Variants in COL19A1 observed in about 807,000 individuals in gnomAD.
COL19A1 encodes the protein collagen alpha-1(XIX) chain.
In COL19A1, 159 loss-of-function variants were observed where a neutral mutation model predicts 190.2. The observed-to-expected ratio is 0.84, with a 90% CI of 0.73 to 0.95. The LOEUF is 0.95. Among genes scored for constraint, COL19A1 ranks in the 40% least tolerant of loss-of-function variants. The probability of loss-of-function intolerance (pLI) is 0.00; values close to 1 mark genes in which losing one functional copy is unlikely to be tolerated. For missense variants in COL19A1, 1,418 were observed against 1,431.9 expected (o/e 0.99, Z 0.16); for synonymous variants, 509 against 458.9 (o/e 1.11, Z -1.39).
At chr6:70,056,104 G>A (rs1780492346) in intron 14 of COL19A1, among the ~76,000 whole-genome samples, 1 of 151,918 alleles carries the variant, frequency 6.6e-6, no homozygotes, top group South Asian at 2.1e-4. Context: ...ACTGCCGCTT[G>A]TTTTCCTTGT....
intron 15 of COL19A1, among the ~76,000 whole-genome samples, chr6:70,074,192 T>TA (rs965406216): frequency 2.0e-5 from 3 of 151,620 alleles, no homozygotes; most frequent in African/African-American, 7.3e-5. Context: ...CACAGTAAAG[T>TA]AAAAAAATAA....
chr6:70,176,522 A>T lies in COL19A1; in HGVS notation c.2625A>T (p.Gly875=). Reference sequence around the variant, plus strand: ...GCAATGTTTTTAAATCCCAACAGGGAGATCGAGGCCCAGCAGGTCCCCCAG... The same window carrying T: ...GCAATGTTTTTAAATCCCAACAGGGTGATCGAGGCCCAGCAGGTCCCCCAG... ...PGLEGFPGVK[G]DRGPAGPPGI... The change falls in exon 42 of 51, where the codon GGA becomes GGT. Residue 875 remains glycine, a splice_region_variant and synonymous_variant. Coordinates refer to ENST00000620364, the MANE Select transcript of COL19A1 (RefSeq NM_001858.6). The T allele has an allele frequency of 6.2e-7, 1 of 1,613,604 alleles. No individual in the cohort carries two copies. Among genetic ancestry groups the T allele is most frequent in the East Asian group, 2.2e-5 (1 of 44,856 alleles).
At chr6:70,132,245 A>T (rs907499513) in intron 18 of COL19A1, among the ~76,000 whole-genome samples, 17 of 152,074 alleles carry the variant, frequency 1.1e-4, no homozygotes, top group African/African-American at 3.9e-4. Flanking sequence ...AAAAATTAAA[A>T]ATATTAGCTG....
intron 25 of COL19A1, among the ~76,000 whole-genome samples, chr6:70,145,384 A>G (rs1376124245): frequency 2.0e-5 from 3 of 152,160 alleles, no homozygotes; most frequent in Non-Finnish European, 4.4e-5. Context: ...CAACATGGAT[A>G]TAGCTAGAGG....
chr6:69,968,812 C>T lies in COL19A1; in HGVS notation c.1026+5942C>T, dbSNP rs115924389. ...CAAATAAGGATGTTTATATAATATA[C>T]GTAAACGATTATTCAGGACATTCTG... is the stretch of plus-strand genomic sequence containing the variant. On this transcript the variant is annotated intron_variant, in intron 11 of 50. Coordinates refer to ENST00000620364, the MANE Select transcript of COL19A1 (RefSeq NM_001858.6). Among the ~76,000 whole-genome samples the T allele has an allele frequency of 5.7e-3, 864 of 152,140 alleles. 8 individuals are homozygous for T. The highest frequency in any genetic ancestry group is 0.02 in the African/African-American group (827 of 41,496).
At chr6:69,979,602 A>C (rs555663483) in intron 11 of COL19A1, among the ~76,000 whole-genome samples, 1 of 151,978 alleles carries the variant, frequency 6.6e-6, no homozygotes, top group Non-Finnish European at 1.5e-5. Flanking sequence ...AGGAGATAAA[A>C]TTGCCATAAC....
chr6:70,047,433 A>G (rs1779972259), intron 14 of COL19A1, among the ~76,000 whole-genome samples: 1 of 152,100 alleles, frequency 6.6e-6, no homozygotes, highest in South Asian at 2.1e-4. Flanking sequence ...AAATCTGATA[A>G]ATTATTCTGA....
intron 5 of COL19A1, among the ~76,000 whole-genome samples, chr6:69,929,155 T>C (rs1016117326): frequency 2.7e-5 from 4 of 148,656 alleles, no homozygotes; most frequent in African/African-American, 7.4e-5. Context: ...TTAAAATAAC[T>C]ACACACACAC....
At chr6:70,158,355 T>C (rs561540251) in intron 34 of COL19A1, among the ~76,000 whole-genome samples, 20 of 152,216 alleles carry the variant, frequency 1.3e-4, no homozygotes, top group African/African-American at 4.6e-4. Context: ...CATTTCAACA[T>C]ACAGTATGGA....
intron 4 of COL19A1, among the ~76,000 whole-genome samples, chr6:69,904,961 G>C (rs894758255): frequency 6.6e-6 from 1 of 152,144 alleles, no homozygotes; most frequent in Non-Finnish European, 1.5e-5. Context: ...GTTCCTTCTC[G>C]GTGCTGCGTG....
chr6:69,959,549 G>GACCT (rs1774643298), intron 9 of COL19A1, among the ~76,000 whole-genome samples: 2 of 152,280 alleles, frequency 1.3e-5, no homozygotes, highest in Admixed American at 1.3e-4. Context: ...ACTGTGCAAT[G>GACCT]ACCTGTAAGA....
chr6:69,995,240 G>T (rs1776838165), intron 11 of COL19A1, among the ~76,000 whole-genome samples: 1 of 152,100 alleles, frequency 6.6e-6, no homozygotes, highest in South Asian at 2.1e-4. Context: ...ATTTATAGAA[G>T]TTATGGCAAC....
chr6:70,185,077 C>A (rs555394077), intron 46 of COL19A1, among the ~76,000 whole-genome samples, 162 bp downstream of exon 46: 1 of 152,284 alleles, frequency 6.6e-6, no homozygotes, highest in South Asian at 2.1e-4. Flanking sequence ...AATATGACAA[C>A]GGACTCAGAG....
intron 11 of COL19A1, among the ~76,000 whole-genome samples, chr6:70,020,112 T>G (rs1778336783): frequency 6.6e-6 from 1 of 152,116 alleles, no homozygotes; most frequent in Non-Finnish European, 1.5e-5. Context: ...TATTATTAAT[T>G]GCCATCTAGA....
chr6:70,138,081 G>A (rs926987535), intron 19 of COL19A1, among the ~76,000 whole-genome samples: 3 of 152,138 alleles, frequency 2.0e-5, no homozygotes, highest in African/African-American at 4.8e-5. Context: ...GTTGATTCTA[G>A]AACCTAAAGT....
intron 41 of COL19A1, among the ~76,000 whole-genome samples, chr6:70,172,779 A>G (rs755973687): frequency 6.6e-6 from 1 of 152,238 alleles, no homozygotes; most frequent in Non-Finnish European, 1.5e-5. Context: ...TAAGGCCTTT[A>G]TCTTTCAATC....
chr6:69,919,195 A>G (rs1372247791), intron 4 of COL19A1, among the ~76,000 whole-genome samples: 2 of 152,192 alleles, frequency 1.3e-5, no homozygotes, highest in Non-Finnish European at 2.9e-5. Context: ...ACTTTGCTTC[A>G]TAGCAGTCCC....
chr6:69,974,912 G>A (rs112418701), intron 11 of COL19A1, among the ~76,000 whole-genome samples: 32,677 of 147,686 alleles, frequency 0.22, 6,057 homozygotes, highest in African/African-American at 0.5. Context: ...TCCCGAGTTC[G>A]CGCCATTTTC....
intron 1 of COL19A1, among the ~76,000 whole-genome samples, chr6:69,873,574 G>A (rs531391741): frequency 2.0e-5 from 3 of 152,290 alleles, no homozygotes; most frequent in African/African-American, 7.2e-5. Flanking sequence ...ACTTTATGAA[G>A]GTATTTGCTG....
Sources: allele counts gnomAD v4.1 joint callset (sites outside exome capture counted in the v4.1 genomes callset), GRCh38; gene constraint gnomAD v4.1.1; transcripts MANE v1.5; gene names NCBI Gene and HGNC (gene_info 2026-07-23, HGNC 2026-07-21).